RAB8B: variants seen among roughly 807,000 people sequenced by gnomAD.
RAB8B encodes ras-related protein Rab-8B.
A neutral mutation model predicts 32.0 loss-of-function variants in RAB8B; 11 were observed. That is an observed-to-expected ratio of 0.34 (90% CI 0.22 to 0.57). The LOEUF (loss-of-function observed/expected upper bound fraction) is 0.57. Among genes scored for constraint, RAB8B ranks in the 20% least tolerant of loss-of-function variants. RAB8B has a pLI of 0.86. For missense variants in RAB8B, 190 were observed against 258.5 expected, an observed-to-expected ratio of 0.73 and a Z score of 1.82; for synonymous variants, 103 against 89.6, an observed-to-expected ratio of 1.15 and a Z score of -0.85.
At chr15:63,219,082 C>T (rs1462176477) in intron 1 of RAB8B, among the ~76,000 whole-genome samples, 3 of 130,042 alleles carry the variant, frequency 2.3e-5, no homozygotes, top group Non-Finnish European at 4.6e-5. Flanking sequence ...GGGTAGATCA[C>T]GAGGTCAGAA....
chr15:63,241,378 G>A (rs1348403065), intron 1 of RAB8B, among the ~76,000 whole-genome samples: 1 of 152,186 alleles, frequency 6.6e-6, no homozygotes, highest in African/African-American at 2.4e-5. Context: ...TTATTAAGTG[G>A]TAAAATGTTG....
intron 1 of RAB8B, among the ~76,000 whole-genome samples, chr15:63,234,771 C>G (rs2037964254): frequency 6.6e-6 from 1 of 152,218 alleles, no homozygotes; most frequent in African/African-American, 2.4e-5. Flanking sequence ...AGGAAAGAGC[C>G]TCCTGGCCCA....
chr15:63,249,845 GT>G, intron 3 of RAB8B, 140 bp downstream of exon 3: 3 of 936,114 alleles, frequency 3.2e-6, no homozygotes, highest in East Asian at 3.0e-5. Flanking sequence ...CATTTAAAAG[GT>G]TTTTTGGGGG....
At position 63,257,154 on chromosome 15, in the gene RAB8B, T is replaced by C. The variant is rs75745578; in HGVS notation, c.414+560T>C. 5.4e-3 allele frequency among the ~76,000 whole-genome samples: 815 copies of C among 152,316 alleles called. 9 individuals are homozygous for C. Among genetic ancestry groups the C allele is most frequent in the African/African-American group, 0.018 (757 of 41,564 alleles). On this transcript the variant is annotated intron_variant, in intron 5 of 7. Coordinates refer to ENST00000321437, the MANE Select transcript of RAB8B (RefSeq NM_016530.3). ...AGCAAAGGAATATTTTGTGTACATA[T>C]TTACTTCTGTGACAGATTCTAAATT...
At chr15:63,216,544 A>G (rs930438630) in intron 1 of RAB8B, among the ~76,000 whole-genome samples, 8 of 150,388 alleles carry the variant, frequency 5.3e-5, no homozygotes, top group African/African-American at 1.5e-4. Context: ...CCAACTTTTA[A>G]ATGTTCAGTA....
At chr15:63,252,682 G>C (rs11853134) in intron 3 of RAB8B, among the ~76,000 whole-genome samples, 22,625 of 151,748 alleles carry the variant, frequency 0.15, 2,087 homozygotes, top group East Asian at 0.47. Flanking sequence ...TTTTATTGTG[G>C]TAAAATATAC....
At chr15:63,236,628 G>T (rs1335235944) in intron 1 of RAB8B, among the ~76,000 whole-genome samples, 2 of 151,932 alleles carry the variant, frequency 1.3e-5, no homozygotes, top group Non-Finnish European at 2.9e-5. Context: ...AAAAATTGTG[G>T]GTACATAGTA....
intron 1 of RAB8B, among the ~76,000 whole-genome samples, chr15:63,235,984 T>C (rs924495820): frequency 2.6e-5 from 4 of 152,222 alleles, no homozygotes; most frequent in Admixed American, 6.5e-5. Context: ...CGTCTCCCTT[T>C]GGGAAGGTCT....
At chr15:63,223,521 A>G (rs2037862445) in intron 1 of RAB8B, among the ~76,000 whole-genome samples, 1 of 152,248 alleles carries the variant, frequency 6.6e-6, no homozygotes, top group Admixed American at 6.5e-5. Flanking sequence ...TATTTGGTAC[A>G]GTAGCATACT....
At position 63,248,175 on chromosome 15, in the gene RAB8B, G is replaced by C. The variant is rs943396077; in HGVS notation, c.186-1470G>C. ...TAAGATGGCTTTTTTGTAAGGCCTG[G>C]CCCAGAGCTGAACAGCTGAGACCTA... On this transcript the variant is annotated intron_variant, in intron 2 of 7. Transcript: ENST00000321437. This position sits in a 1 kb window ranked among gnomAD's most constrained non-coding sequence, Gnocchi z 4.4. Among the ~76,000 whole-genome samples the C allele has an allele frequency of 2.0e-5, 3 of 152,166 alleles. No homozygotes were observed. Among genetic ancestry groups the C allele is most frequent in the Admixed American group, 1.3e-4 (2 of 15,274 alleles).
At chr15:63,249,742 G>C (rs2038099230) in intron 3 of RAB8B, 37 bp downstream of exon 3, 1 of 1,578,638 alleles carries the variant, frequency 6.3e-7, no homozygotes, top group Admixed American at 1.7e-5. Context: ...TCTTCAGGTA[G>C]AAGTAAAGCA....
Position 63,263,518 on chromosome 15 carries a change from A to C in RAB8B, c.532-9A>C. 1 of 1,573,426 alleles carries C rather than the reference A, an allele frequency of 6.4e-7. No individual in the cohort carries two copies. Among genetic ancestry groups the C allele is most frequent in the South Asian group, 1.1e-5 (1 of 90,546 alleles). On this transcript the variant is annotated splice_polypyrimidine_tract_variant and intron_variant, in intron 7 of 7. Transcript: ENST00000321437. Reference sequence around the variant, plus strand: ...TATTTCCTTGGTAACTTCATCTTCTATTTTTTAGAATGACAGCAATTCAGC... The same window carrying C: ...TATTTCCTTGGTAACTTCATCTTCTCTTTTTTAGAATGACAGCAATTCAGC...
rs71131152 is a variant in RAB8B, at chr15:63,219,004, A to ATTTTTTTT, written c.125-25730_125-25723dup. On this transcript the variant is annotated intron_variant, in intron 1 of 7. Transcript: ENST00000321437. ...AAATGATCTTTTCTTCCAGCAGTGG[A>ATTTTTTTT]TTTTTTTTTTTTTTTTTTTTTTTTT... Among the ~76,000 whole-genome samples, 262 of 94,632 alleles carry ATTTTTTTT rather than the reference A, an allele frequency of 2.8e-3. 43 individuals are homozygous for ATTTTTTTT. Among genetic ancestry groups the ATTTTTTTT allele is most frequent in the Non-Finnish European group, 4.2e-3 (213 of 50,482 alleles). The allele number at this position is 94,632 out of a possible 152,430, so 62.1% of individuals were successfully genotyped here. A position where few individuals can be genotyped will look rare whatever the true frequency, so the allele number is the denominator to read the frequency against.
At chr15:63,222,458 A>T (rs984272086) in intron 1 of RAB8B, among the ~76,000 whole-genome samples, 3 of 152,200 alleles carry the variant, frequency 2.0e-5, no homozygotes, top group Admixed American at 2.0e-4. Flanking sequence ...ACAGTCATGC[A>T]CCACATAACA....
intron 1 of RAB8B, among the ~76,000 whole-genome samples, chr15:63,218,867 A>T (rs776735192): frequency 6.6e-6 from 1 of 152,076 alleles, no homozygotes; most frequent in Non-Finnish European, 1.5e-5. Flanking sequence ...CTCACAAAAT[A>T]GGAAGAAAAA....
rs2037631745 is a variant in RAB8B at position 63,199,671 on chromosome 15, G to GT, written c.124+9926dup. On this transcript the variant is annotated intron_variant, in intron 1 of 7. Transcript: ENST00000321437. ...TTTGGGTTTTTTTTGTTTGTTTTTTGTTTCTTTGTGGGCTTTTTTTGAGAC... is the reference window on the plus strand; with the variant it reads ...TTTGGGTTTTTTTTGTTTGTTTTTTGTTTTCTTTGTGGGCTTTTTTTGAGAC... 2.0e-5 allele frequency among the ~76,000 whole-genome samples: 3 copies of GT among 151,828 alleles called. No homozygotes were observed. In the South Asian group the frequency reaches 6.3e-4, roughly 32 times the overall value.
At position 63,248,235 on chromosome 15, in the gene RAB8B, C is replaced by T. The variant is rs562883499; in HGVS notation, c.186-1410C>T. On this transcript the variant is annotated intron_variant, in intron 2 of 7. Coordinates refer to ENST00000321437, the MANE Select transcript of RAB8B (RefSeq NM_016530.3). The surrounding 1 kb of genome is among the most constrained non-coding windows in gnomAD (Gnocchi z 4.4). ...TCTCCTTCAAGAGTATGAGCTGGGC[C>T]GGGTGCAGTGGCTCACGCCTGTAAT... is the stretch of plus-strand genomic sequence containing the variant. Among the ~76,000 whole-genome samples, 33 of 152,250 alleles carry T rather than the reference C, an allele frequency of 2.2e-4. No homozygotes were observed. Among genetic ancestry groups the T allele is most frequent in the African/African-American group, 7.2e-4 (30 of 41,528 alleles).
At chr15:63,198,599 G>C (rs2037622544) in intron 1 of RAB8B, among the ~76,000 whole-genome samples, 1 of 152,068 alleles carries the variant, frequency 6.6e-6, no homozygotes, top group African/African-American at 2.4e-5. Context: ...AGTATTGCAC[G>C]GCCTTCTGCT....
chr15:63,240,108 ATGGTGCATCTGG>A (rs797004896), intron 1 of RAB8B, among the ~76,000 whole-genome samples: 108 of 152,222 alleles, frequency 7.1e-4, no homozygotes, highest in African/African-American at 2.5e-3. Flanking sequence ...TGTCAGGAGA[ATGGTGCATCTGG>A]TGGGAAAGGC....
Sources: allele counts gnomAD v4.1 joint callset (sites outside exome capture counted in the v4.1 genomes callset), GRCh38; gene constraint gnomAD v4.1.1; non-coding constraint Gnocchi (gnomAD v3.1); transcripts MANE v1.5; gene names NCBI Gene and HGNC (gene_info 2026-07-23, HGNC 2026-07-21).